RGS8: variants seen among roughly 807,000 people sequenced by gnomAD.
The protein encoded by RGS8 is regulator of G-protein signaling 8.
Under a neutral mutation model 21.7 loss-of-function variants are expected in RGS8, and 8 were observed. That is an observed-to-expected ratio of 0.37 (90% CI 0.22 to 0.66). The LOEUF (loss-of-function observed/expected upper bound fraction) is 0.66, where lower values mean the gene tolerates loss of function less well. Ranked by LOEUF, RGS8 falls within the 30% of genes least tolerant of loss-of-function variation. The pLI, the probability that RGS8 is intolerant of heterozygous loss-of-function variation, is 0.59. For synonymous variants in RGS8, 80 were observed against 83.6 expected, an observed-to-expected ratio of 0.96 and a Z score of 0.24; for missense variants, 157 against 217.9, an observed-to-expected ratio of 0.72 and a Z score of 1.76.
the RGS8 span, chr1:182,714,282 A>G: frequency 6.6e-6 from 1 of 152,164 alleles, no homozygotes; most frequent in Non-Finnish European, 1.5e-5. Flanking sequence ...ATATTTGTGT[A>G]TTTATGCATT....
At chr1:182,748,972 T>C in the RGS8 span, among the ~76,000 whole-genome samples, 4 of 152,220 alleles carry the variant, frequency 2.6e-5, no homozygotes, top group African/African-American at 9.6e-5. Flanking sequence ...TGCTGTTGTT[T>C]GCACTCCTTA....
the RGS8 span, among the ~76,000 whole-genome samples, chr1:182,744,381 A>G: frequency 6.6e-6 from 1 of 151,904 alleles, no homozygotes; most frequent in Non-Finnish European, 1.5e-5. Context: ...CAGTGCCTCC[A>G]CCTCCCAAAG....
At chr1:182,649,322 C>G (rs913998585) in intron 5 of RGS8, among the ~76,000 whole-genome samples, 7 of 152,242 alleles carry the variant, frequency 4.6e-5, no homozygotes, top group African/African-American at 1.7e-4. Flanking sequence ...GTGTGAATGT[C>G]TCATCCTTTG....
the RGS8 span, among the ~76,000 whole-genome samples, chr1:182,705,059 A>G: frequency 6.6e-6 from 1 of 152,218 alleles, no homozygotes; most frequent in Non-Finnish European, 1.5e-5. Context: ...CTTACTCTGT[A>G]TCACAGTTTT....
chr1:182,686,735 G>A (rs1309912247), upstream of RGS8, among the ~76,000 whole-genome samples: 1 of 152,200 alleles, frequency 6.6e-6, no homozygotes, highest in Non-Finnish European at 1.5e-5. Flanking sequence ...TTAGCAGAGA[G>A]GTAGGATTTG....
chr1:182,694,146 A>G, the RGS8 span, among the ~76,000 whole-genome samples: 3 of 152,298 alleles, frequency 2.0e-5, no homozygotes, highest in East Asian at 5.8e-4. Context: ...AGAAAAAAAA[A>G]AAAGAAAGTT....
At chr1:182,719,339 C>A in the RGS8 span, among the ~76,000 whole-genome samples, 1 of 129,066 alleles carries the variant, frequency 7.7e-6, no homozygotes, top group Admixed American at 7.3e-5. Flanking sequence ...ACAAATGATA[C>A]CACAAGAAAA....
At chr1:182,700,437 C>G in the RGS8 span, among the ~76,000 whole-genome samples, 3 of 152,288 alleles carry the variant, frequency 2.0e-5, no homozygotes, top group African/African-American at 7.2e-5. Flanking sequence ...CATTCCTCCC[C>G]GAAAACGTAA....
chr1:182,714,426 T>C, the RGS8 span: 2 of 152,212 alleles, frequency 1.3e-5, no homozygotes, highest in Non-Finnish European at 2.9e-5. Flanking sequence ...GTTGAATAAC[T>C]AAATGAATGA....
chr1:182,648,092 G>A (rs756915417), intron 6 of RGS8, 45 bp downstream of exon 7: 1 of 1,538,772 alleles, frequency 6.5e-7, no homozygotes, highest in Non-Finnish European at 8.8e-7. Context: ...AGAAATGCAA[G>A]CTAGGAGCCA....
In RGS8 at chr1:182,657,082, T is replaced by C. The variant is rs141589510; in HGVS notation, c.194-8779A>G. On this transcript the variant is annotated intron_variant, in intron 5 of 6. Coordinates refer to ENST00000483095, the Ensembl canonical transcript of RGS8. ...CGGGCTTCTGTGGACAGACCACTTGTTCCCCCACCCACCCCCCTGGCCCAC... is the reference window on the plus strand; with the variant it reads ...CGGGCTTCTGTGGACAGACCACTTGCTCCCCCACCCACCCCCCTGGCCCAC... Among the ~76,000 whole-genome samples, 647 of 152,144 alleles carry C rather than the reference T, an allele frequency of 4.3e-3. 7 individuals are homozygous for C. Among genetic ancestry groups the C allele is most frequent in the African/African-American group, 0.015 (603 of 41,488 alleles).
chr1:182,666,091 C>T lies in RGS8; in HGVS notation c.129-58G>A. 3.4e-6 allele frequency: 5 copies of T among 1,467,268 alleles called. 1 individual carries two copies. Among genetic ancestry groups the T allele is most frequent in the Non-Finnish European group, 3.8e-6 (4 of 1,049,140 alleles). The allele number at this position is 1,467,268 out of a possible 1,614,324, so 90.9% of individuals were successfully genotyped here. On this transcript the variant is annotated intron_variant, in intron 4 of 6. Transcript: ENST00000483095. ...TCTGAAATAACCTCCTTGCCCTCAA[C>T]AACCGCTAAGATTTGCTCAAGAAAA...
chr1:182,736,769 T>A, the RGS8 span, among the ~76,000 whole-genome samples: 1 of 152,128 alleles, frequency 6.6e-6, no homozygotes, highest in Admixed American at 6.5e-5. Flanking sequence ...CATCAGAGAA[T>A]AGGTTCTAAA....
At chr1:182,698,286 T>C in the RGS8 span, among the ~76,000 whole-genome samples, 1 of 152,206 alleles carries the variant, frequency 6.6e-6, no homozygotes, top group Non-Finnish European at 1.5e-5. Flanking sequence ...GTTTCTTTTA[T>C]TGTGTCCATC....
upstream of RGS8, among the ~76,000 whole-genome samples, chr1:182,687,516 G>T (rs916953773): frequency 6.6e-6 from 1 of 152,210 alleles, no homozygotes; most frequent in Non-Finnish European, 1.5e-5. Context: ...ACTGCCCAAG[G>T]GCTGAGGGAA....
the RGS8 span, among the ~76,000 whole-genome samples, chr1:182,722,748 G>A: frequency 2.6e-5 from 4 of 152,064 alleles, no homozygotes; most frequent in African/African-American, 9.6e-5. Flanking sequence ...AGTCTGAGGC[G>A]GGTGGATCAC....
the RGS8 span, among the ~76,000 whole-genome samples, chr1:182,722,008 T>G: frequency 6.6e-6 from 1 of 152,122 alleles, no homozygotes; most frequent in South Asian, 2.1e-4. Context: ...ATCGGCAAAA[T>G]CAAACGTATC....
the RGS8 span, among the ~76,000 whole-genome samples, chr1:182,732,265 T>TCA: frequency 2.5e-4 from 21 of 83,546 alleles, no homozygotes; most frequent in East Asian, 1.7e-3. Flanking sequence ...TCTCGCTCTC[T>TCA]CTCTCATACA....
chr1:182,678,033 C>G (rs1055154518), intron 1 of RGS8, among the ~76,000 whole-genome samples: 2 of 152,032 alleles, frequency 1.3e-5, no homozygotes, highest in African/African-American at 2.4e-5. Context: ...TAATACAGTG[C>G]AATTGAGAAA....
Sources: gnomAD v4.1 joint callset for allele counts (sites outside exome capture counted in the v4.1 genomes callset) on GRCh38, gnomAD v4.1.1 for gene constraint, MANE v1.5 for transcripts, NCBI Gene and HGNC (gene_info 2026-07-23, HGNC 2026-07-21) for gene names.